The following RABEP1 variants were observed in gnomAD, a reference collection of about 807,000 sequenced individuals.
RABEP1 encodes the protein rabaptin, RAB GTPase binding effector protein 1, also known as rab GTPase-binding effector protein 1.
In RABEP1, 51 loss-of-function variants were observed where a neutral mutation model predicts 123.4. The ratio of observed to expected loss-of-function variants is 0.41; its 90% CI spans 0.33 to 0.52. RABEP1 has a LOEUF of 0.52. Ranked by LOEUF, RABEP1 falls within the 20% of genes least tolerant of loss-of-function variation. The pLI is 0.16. For synonymous variants in RABEP1, 347 were observed against 355.2 expected, an observed-to-expected ratio of 0.98 and a Z score of 0.26; for missense variants, 888 against 996.3, an observed-to-expected ratio of 0.89 and a Z score of 1.46.
At chr17:5,344,273 A>G (rs1484777492) in intron 5 of RABEP1, among the ~76,000 whole-genome samples, 1 of 152,024 alleles carries the variant, frequency 6.6e-6, no homozygotes, top group Non-Finnish European at 1.5e-5. Flanking sequence ...CCCTGTCTCT[A>G]CTAAAAATAC....
At chr17:5,382,521 G>A (rs1911562441) in intron 17 of RABEP1, among the ~76,000 whole-genome samples, 1 of 151,340 alleles carries the variant, frequency 6.6e-6, no homozygotes, top group Non-Finnish European at 1.5e-5. Context: ...GGCTGACATG[G>A]ATGGATTACC....
intron 5 of RABEP1, among the ~76,000 whole-genome samples, chr17:5,344,974 T>TA (rs202233083): frequency 0.013 from 1,901 of 148,224 alleles, 40 homozygotes; most frequent in African/African-American, 0.044. Flanking sequence ...GAAAAAAAAA[T>TA]AAAAAAAAAT....
At chr17:5,315,853 A>AAAAAC (rs750273257) in intron 2 of RABEP1, among the ~76,000 whole-genome samples, 2 of 152,216 alleles carry the variant, frequency 1.3e-5, no homozygotes, top group African/African-American at 2.4e-5. Context: ...CTCCATCTCA[A>AAAAAC]AAAACAAAAC....
chr17:5,353,844 C>T (rs542640123), intron 7 of RABEP1, among the ~76,000 whole-genome samples: 2 of 152,078 alleles, frequency 1.3e-5, no homozygotes, highest in African/African-American at 4.8e-5. Context: ...ATTAGGCGGG[C>T]GTGGTGGCAC....
chr17:5,344,996 G>A (rs1353677243), intron 5 of RABEP1, among the ~76,000 whole-genome samples: 1 of 152,010 alleles, frequency 6.6e-6, no homozygotes, highest in Non-Finnish European at 1.5e-5. Flanking sequence ...AACAGGTAAA[G>A]TGTATGAGCT....
intron 1 of RABEP1, among the ~76,000 whole-genome samples, chr17:5,291,714 C>T (rs892545280): frequency 2.0e-5 from 3 of 152,148 alleles, no homozygotes; most frequent in African/African-American, 7.2e-5. Flanking sequence ...TGAGGCCAGC[C>T]TGGCCAACAT....
chr17:5,368,780 G>C (rs1315928286), intron 12 of RABEP1, among the ~76,000 whole-genome samples: 1 of 152,184 alleles, frequency 6.6e-6, no homozygotes, highest in Non-Finnish European at 1.5e-5. Flanking sequence ...AAAATTGAAT[G>C]TCTGAGAGCC....
rs750797132 is a variant in RABEP1 at position 5,338,048 on chromosome 17, C to G, written c.558C>G (p.Ser186=). ...KAQEDAEKLR[S]VVMPMEKEIA... is the part of the protein sequence containing the mutation. The stretch of plus-strand genomic sequence containing the variant: ...AAGAGGATGCTGAGAAACTTCGGTC[C>G]GTTGTGATGCCAATGGAAAAGGAAA... The change falls in exon 5 of 18, where the codon TCC becomes TCG. Residue 186 remains serine, a synonymous_variant. Transcript: ENST00000537505. 14 of 1,612,932 alleles carry G rather than the reference C, an allele frequency of 8.7e-6. No individual in the cohort carries two copies. In the African/African-American group the frequency reaches 1.6e-4, roughly 18 times the overall value.
intron 2 of RABEP1, among the ~76,000 whole-genome samples, chr17:5,309,228 T>A: frequency 6.6e-6 from 1 of 152,336 alleles, no homozygotes; most frequent in East Asian, 1.9e-4. Context: ...TTATTTAATA[T>A]CTACTATGAG....
At chr17:5,332,626 A>C (rs1906666308) in intron 3 of RABEP1, among the ~76,000 whole-genome samples, 1 of 128,740 alleles carries the variant, frequency 7.8e-6, no homozygotes, top group Admixed American at 8.5e-5. Flanking sequence ...TTGAGATGGA[A>C]TCTCGCTCTG....
In RABEP1 at chr17:5,386,211, A is replaced by G; in HGVS notation, c.*2988A>G. 1 of 1,613,042 alleles carries G rather than the reference A, an allele frequency of 6.2e-7. No homozygotes were observed. Among genetic ancestry groups the G allele is most frequent in the Non-Finnish European group, 8.5e-7 (1 of 1,179,482 alleles). Reference sequence around the variant, plus strand: ...TGAGTCAGCTCCTGGTGGTGTCAGAAGTTTACATGATTGCGGATATCATTG... The same window carrying G: ...TGAGTCAGCTCCTGGTGGTGTCAGAGGTTTACATGATTGCGGATATCATTG... On this transcript the variant is annotated 3_prime_UTR_variant, in exon 18 of 18. Transcript: ENST00000537505.
At chr17:5,373,888 T>C (rs1250777465) in intron 13 of RABEP1, among the ~76,000 whole-genome samples, 1 of 152,206 alleles carries the variant, frequency 6.6e-6, no homozygotes, top group East Asian at 1.9e-4. Flanking sequence ...TTTGTGTCCA[T>C]GTTCTTTCAC....
Position 5,373,208 on chromosome 17 carries a change from G to A in RABEP1, c.1885-106G>A, listed in dbSNP as rs758840544. 188 of 1,031,318 alleles carry A rather than the reference G, an allele frequency of 1.8e-4. 1 individual carries two copies. The highest frequency in any genetic ancestry group is 2.2e-4 in the Non-Finnish European group (160 of 738,940). The allele number at this position is 1,031,318 out of a possible 1,614,324, so 63.9% of individuals were successfully genotyped here. ...GTCTAGCAGAACTTCACCATACCCC[G>A]TCCATCCTCAGCACTCCTTTAGTTT... On this transcript the variant is annotated intron_variant, in intron 12 of 17. Transcript: ENST00000537505.
chr17:5,332,595 A>ATT (rs1906656638), intron 3 of RABEP1, among the ~76,000 whole-genome samples: 1 of 98,150 alleles, frequency 1.0e-5, no homozygotes, highest in Admixed American at 9.6e-5. Flanking sequence ...TACGTTTTAG[A>ATT]ATTTTTTTTT....
In RABEP1 at chr17:5,323,690, ATCTC is replaced by A. The variant is rs201292927; in HGVS notation, c.164-8253_164-8250del. On this transcript the variant is annotated intron_variant, in intron 2 of 17. Transcript: ENST00000537505. ...TCTTTCATTGGTGATATATATATAT[ATCTC>A]TCTCTAGGAATATATATATATATCT... 8.4e-3 allele frequency among the ~76,000 whole-genome samples: 761 copies of A among 90,236 alleles called. 12 individuals are homozygous for A. Among genetic ancestry groups the A allele is most frequent in the East Asian group, 0.014 (42 of 3,082 alleles). 59.2% of individuals were successfully genotyped at this position (90,236 alleles called of 152,430 possible).
intron 11 of RABEP1, among the ~76,000 whole-genome samples, chr17:5,367,422 C>G (rs889922574): frequency 1.3e-5 from 2 of 151,826 alleles, no homozygotes; most frequent in East Asian, 3.9e-4. Flanking sequence ...CAGGCACCCG[C>G]CACCACGCCC....
chr17:5,294,095 C>G (rs2075057951), intron 1 of RABEP1, among the ~76,000 whole-genome samples: 1 of 152,206 alleles, frequency 6.6e-6, no homozygotes, highest in African/African-American at 2.4e-5. Context: ...AGTTAGCCCT[C>G]TGTATCTGCG....
At chr17:5,319,547 A>G (rs1321396283) in intron 2 of RABEP1, among the ~76,000 whole-genome samples, 4 of 151,672 alleles carry the variant, frequency 2.6e-5, no homozygotes, top group African/African-American at 9.7e-5. Context: ...TTGTATTTTT[A>G]GTAGAGATGG....
chr17:5,380,326 G>GGA (rs1318321772), intron 15 of RABEP1, 38 bp from the exon 16 acceptor site: 29 of 1,417,348 alleles, frequency 2.0e-5, no homozygotes, highest in Non-Finnish European at 2.8e-5. Flanking sequence ...GGGCCCAGAG[G>GGA]GAGTTTCTGT....
Sources: allele counts gnomAD v4.1 joint callset (sites outside exome capture counted in the v4.1 genomes callset), GRCh38; gene constraint gnomAD v4.1.1; transcripts MANE v1.5; gene names NCBI Gene and HGNC (gene_info 2026-07-23, HGNC 2026-07-21).